The following NCBP3 variants were observed in gnomAD, a reference collection of about 807,000 sequenced individuals.
The protein encoded by NCBP3 is nuclear cap binding subunit 3.
In NCBP3, 20 loss-of-function variants were observed where a neutral mutation model predicts 75.7. The observed-to-expected ratio is 0.26, with a 90% confidence interval of 0.19 to 0.38. The LOEUF (loss-of-function observed/expected upper bound fraction) is 0.38. Among genes scored for constraint, NCBP3 ranks in the 10% least tolerant of loss-of-function variants. The probability of loss-of-function intolerance (pLI) is 1.00; values close to 1 mark genes in which losing one functional copy is unlikely to be tolerated. For synonymous variants in NCBP3, 293 were observed against 290.5 expected, an observed-to-expected ratio of 1.01 and a Z score of -0.09; for missense variants, 678 against 796.9, an observed-to-expected ratio of 0.85 and a Z score of 1.80.
intron 4 of NCBP3, among the ~76,000 whole-genome samples, chr17:3,827,845 AC>A (rs1451963077): frequency 1.3e-5 from 2 of 152,236 alleles, no homozygotes; most frequent in Admixed American, 1.3e-4. Flanking sequence ...TTGTTTATTT[AC>A]ATTTGTACCA....
In NCBP3 at chr17:3,840,220, AAAAGTG is replaced by A. The variant is rs1237154441; in HGVS notation, c.250-21_250-16del. On this transcript the variant is annotated splice_polypyrimidine_tract_variant and intron_variant, in intron 2 of 12. Coordinates refer to ENST00000389005, the MANE Select transcript of NCBP3 (RefSeq NM_001114118.3). Reference sequence around the variant, plus strand: ...TCAATTGCTTCCTAGAAAGTACAGAAAAAGTGAAAGTAGTAAAATATGGAGAAGGCG... The same window carrying A: ...TCAATTGCTTCCTAGAAAGTACAGAAAAAGTAGTAAAATATGGAGAAGGCG... 1.3e-6 allele frequency: 2 copies of A among 1,548,774 alleles called. No homozygotes were observed. The highest frequency in any genetic ancestry group is 1.4e-5 in the African/African-American group (1 of 72,982).
rs1223682698 is a variant in NCBP3 at position 3,832,488 on chromosome 17, A to G, written c.356-3120T>C. 2.6e-3 allele frequency among the ~76,000 whole-genome samples: 249 copies of G among 95,982 alleles called. 57 individuals are homozygous for G. The highest frequency in any genetic ancestry group is 0.012 in the Middle Eastern group (2 of 164). The allele number at this position is 95,982 out of a possible 152,430, so 63.0% of individuals were successfully genotyped here. ...TACTAAAAATACAAAACAATTAGCC[A>G]GGTGTGGTGGCAGGCACCTGTAGTC... is the stretch of plus-strand genomic sequence containing the variant. On this transcript the variant is annotated intron_variant, in intron 3 of 12. Coordinates refer to ENST00000389005, the MANE Select transcript of NCBP3 (RefSeq NM_001114118.3).
At position 3,808,407 on chromosome 17, in the gene NCBP3, G is replaced by A. The variant is rs559563743; in HGVS notation, c.*4637C>T. The A allele has an allele frequency of 5.9e-5, 9 of 152,310 alleles. No individual in the cohort carries two copies. The highest frequency in any genetic ancestry group is 2.2e-4 in the African/African-American group (9 of 41,546). The allele number at this position is 152,310 out of a possible 1,614,324, so 9.4% of individuals were successfully genotyped here. A position where few individuals can be genotyped will look rare whatever the true frequency, so the allele number is the denominator to read the frequency against. On this transcript the variant is annotated 3_prime_UTR_variant, in exon 13 of 13. Coordinates refer to ENST00000389005, the MANE Select transcript of NCBP3 (RefSeq NM_001114118.3). ...AGAACTGAATCCTGGAGAGAGCTGA[G>A]ACTCTTCTGTGGCAGTACCATGGGA...
chr17:3,817,885 G>A (rs2053573998), intron 10 of NCBP3, among the ~76,000 whole-genome samples: 1 of 151,828 alleles, frequency 6.6e-6, no homozygotes, highest in Admixed American at 6.6e-5. Flanking sequence ...AATGCACAAT[G>A]CAAAACTATA....
chr17:3,812,909 A>C lies in NCBP3; in HGVS notation c.*135T>G. On this transcript the variant is annotated 3_prime_UTR_variant, in exon 13 of 13. Transcript: ENST00000389005. ...TCACATTCTTAAGATGTCTTGCCGA[A>C]GTAGCAAGAGCGGAGGGTGACTGTG... is the stretch of plus-strand genomic sequence containing the variant. The C allele has an allele frequency of 6.8e-7, 1 of 1,480,642 alleles. No individual in the cohort carries two copies. The highest frequency in any genetic ancestry group is 1.4e-5 in the South Asian group (1 of 71,922). 91.7% of individuals were successfully genotyped at this position (1,480,642 alleles called of 1,614,324 possible).
intron 1 of NCBP3, among the ~76,000 whole-genome samples, chr17:3,844,202 G>A (rs1167983837): frequency 6.6e-6 from 1 of 152,148 alleles, no homozygotes; most frequent in East Asian, 1.9e-4. Flanking sequence ...CAATGCAAAG[G>A]GGATGGGATT....
At chr17:3,827,262 GGT>G (rs1372308940) in intron 4 of NCBP3, among the ~76,000 whole-genome samples, 2 of 152,176 alleles carry the variant, frequency 1.3e-5, no homozygotes, top group African/African-American at 4.8e-5. Context: ...ACAGAACACA[GGT>G]AGTTAAACAC....
chr17:3,834,393 G>A (rs947711520), intron 3 of NCBP3, among the ~76,000 whole-genome samples: 3 of 152,240 alleles, frequency 2.0e-5, no homozygotes, highest in Admixed American at 6.5e-5. Context: ...CCTGTTCTAT[G>A]TTACAAATTT....
chr17:3,814,883 T>C (rs2053500403), intron 11 of NCBP3, among the ~76,000 whole-genome samples: 2 of 152,264 alleles, frequency 1.3e-5, no homozygotes, highest in Middle Eastern at 6.8e-3. Context: ...AACCAGTAAA[T>C]ATAAAGAGAC....
In NCBP3 at chr17:3,825,820, C is replaced by G. The variant is rs373639342; in HGVS notation, c.634G>C (p.Asp212His). Residue 212 changes from aspartate (D) to histidine (H), a missense_variant, in exon 6 of 13, where the codon GAT (aspartate) becomes CAT (histidine). Coordinates refer to ENST00000389005, the MANE Select transcript of NCBP3 (RefSeq NM_001114118.3). ...KKDKQEDSSD[D>H]DEAEEGEVED... ...ACCTCTCCTTCTTCAGCTTCATCAT[C>G]ATCTGAACTGTCTTCCTGCTTGTCT... 16 of 1,551,404 alleles carry G rather than the reference C, an allele frequency of 1.0e-5. No individual in the cohort carries two copies. In the African/African-American group the frequency reaches 1.6e-4, roughly 16 times the overall value.
chr17:3,837,677 T>C (rs60047946), intron 3 of NCBP3, among the ~76,000 whole-genome samples: 12,309 of 146,386 alleles, frequency 0.084, 649 homozygotes, highest in Non-Finnish European at 0.12. Flanking sequence ...GAGGTTGCAG[T>C]GAGCCGAGAT....
chr17:3,832,383 C>T (rs1567591712), intron 3 of NCBP3, among the ~76,000 whole-genome samples: 2 of 119,656 alleles, frequency 1.7e-5, no homozygotes, highest in Non-Finnish European at 4.0e-5. Flanking sequence ...CCTGTAATCC[C>T]AGCACTTTGG....
intron 1 of NCBP3, 119 bp from the exon 2 acceptor site, chr17:3,843,270 G>A: frequency 1.3e-6 from 1 of 763,456 alleles, no homozygotes; most frequent in Non-Finnish European, 2.1e-6. Context: ...GTTGGTGACA[G>A]TGTCTTGCTC....
At chr17:3,839,538 G>A (rs1233734477) in intron 3 of NCBP3, among the ~76,000 whole-genome samples, 1 of 152,108 alleles carries the variant, frequency 6.6e-6, no homozygotes, top group African/African-American at 2.4e-5. Context: ...AGTAGAGATG[G>A]GGTTTCACCA....
intron 3 of NCBP3, among the ~76,000 whole-genome samples, chr17:3,830,650 C>G (rs1392066553): frequency 1.3e-5 from 2 of 152,180 alleles, no homozygotes; most frequent in African/African-American, 4.8e-5. Context: ...TGCAGTGGCA[C>G]GATCTCGGCT....
chr17:3,817,606 G>C (rs1378726917), intron 10 of NCBP3, among the ~76,000 whole-genome samples: 1 of 152,082 alleles, frequency 6.6e-6, no homozygotes, highest in Non-Finnish European at 1.5e-5. Flanking sequence ...TCCAGCCTGG[G>C]TGACAGAGCG....
Position 3,816,270 on chromosome 17 carries a change from C to T in NCBP3, c.1311G>A (p.Arg437=). 6.2e-7 allele frequency: 1 copy of T among 1,611,646 alleles called. No individual in the cohort carries two copies. Among genetic ancestry groups the T allele is most frequent in the Non-Finnish European group, 8.5e-7 (1 of 1,178,964 alleles). Residue 437 remains arginine, a splice_region_variant and synonymous_variant, in exon 11 of 13, where the codon AGG becomes AGA. Transcript: ENST00000389005. ...ATACACTATCTGCCCTCATGGAGTTCCTTTAAAAAGGGGGTAGGATGGGGC... is the reference window on the plus strand; with the variant it reads ...ATACACTATCTGCCCTCATGGAGTTTCTTTAAAAAGGGGGTAGGATGGGGC... ...DEVESQLKNI[R]NSMRADSVSS...
rs180900602 is a variant in NCBP3 at position 3,812,601 on chromosome 17, G to A, written c.*443C>T. 9.9e-6 allele frequency: 10 copies of A among 1,014,024 alleles called. No individual in the cohort carries two copies. In the East Asian group the frequency reaches 8.8e-4, roughly 89 times the overall value. The allele number at this position is 1,014,024 out of a possible 1,614,324, so 62.8% of individuals were successfully genotyped here. On this transcript the variant is annotated 3_prime_UTR_variant, in exon 13 of 13. Coordinates refer to ENST00000389005, the MANE Select transcript of NCBP3 (RefSeq NM_001114118.3). ...TCCCTCCTCTTCCCCCTCGAAGGAT[G>A]TCCAATAAGCACCTGGGAATTGACT... is the stretch of plus-strand genomic sequence containing the variant.
intron 2 of NCBP3, among the ~76,000 whole-genome samples, chr17:3,842,124 G>C (rs1170089967): frequency 6.6e-6 from 1 of 151,974 alleles, no homozygotes; most frequent in Non-Finnish European, 1.5e-5. Context: ...CAAGGCAATA[G>C]TCTTATTAAG....
Sources: gnomAD v4.1 joint callset for allele counts (sites outside exome capture counted in the v4.1 genomes callset) on GRCh38, gnomAD v4.1.1 for gene constraint, MANE v1.5 for transcripts, NCBI Gene and HGNC (gene_info 2026-07-23, HGNC 2026-07-21) for gene names.